PTPRG: variants seen among roughly 807,000 people sequenced by gnomAD.
PTPRG encodes the protein protein tyrosine phosphatase receptor type G.
A neutral mutation model predicts 165.3 loss-of-function variants in PTPRG; 102 were observed. The ratio of observed to expected loss-of-function variants is 0.62; its 90% CI spans 0.53 to 0.73. The LOEUF is 0.73. Among genes scored for constraint, PTPRG ranks in the 30% least tolerant of loss-of-function variants. The pLI is 0.00. For missense variants in PTPRG, 1,866 were observed against 1,861.4 expected (o/e 1.00, Z -0.05); for synonymous variants, 675 against 669.5 (o/e 1.01, Z -0.13).
chr3:62,065,444 GTGAATACA>G lies in PTPRG; in HGVS notation c.520-12716_520-12709del, dbSNP rs1700980335. ...CTGTTGAAGTGATGGACACTGTTCA[GTGAATACA>G]TGTACCACCTTTGGCAGTCTTTCAG... On this transcript the variant is annotated intron_variant, in intron 4 of 29. Transcript: ENST00000474889. Among the ~76,000 whole-genome samples, 2 of 152,206 alleles carry G rather than the reference GTGAATACA, an allele frequency of 1.3e-5. 1 individual carries two copies. Among genetic ancestry groups the G allele is most frequent in the South Asian group, 4.1e-4 (2 of 4,834 alleles).
intron 5 of PTPRG, among the ~76,000 whole-genome samples, chr3:62,108,435 G>A (rs1015939982): frequency 4.6e-5 from 7 of 152,046 alleles, no homozygotes; most frequent in East Asian, 1.9e-4. Context: ...TTCTAAATCC[G>A]TTCTATCATT....
At chr3:61,805,614 G>A (rs2035390677) in intron 2 of PTPRG, among the ~76,000 whole-genome samples, 1 of 151,978 alleles carries the variant, frequency 6.6e-6, no homozygotes, top group South Asian at 2.1e-4. Flanking sequence ...CTGTTTTCTG[G>A]GTTAGGGTAA....
intron 1 of PTPRG, among the ~76,000 whole-genome samples, chr3:61,709,637 G>C (rs1033671328): frequency 2.0e-5 from 3 of 152,102 alleles, no homozygotes; most frequent in African/African-American, 7.2e-5. Flanking sequence ...ATTTTAAATG[G>C]TTCCATAAAT....
intron 5 of PTPRG, among the ~76,000 whole-genome samples, chr3:62,088,385 T>A (rs1316870334): frequency 6.6e-6 from 1 of 152,206 alleles, no homozygotes; most frequent in East Asian, 1.9e-4. Flanking sequence ...TTAGGGCTAT[T>A]TGGGTTATTT....
At chr3:62,061,053 A>C (rs1700793224) in intron 4 of PTPRG, among the ~76,000 whole-genome samples, 1 of 152,036 alleles carries the variant, frequency 6.6e-6, no homozygotes, top group Non-Finnish European at 1.5e-5. Context: ...TGCTTCTTGA[A>C]CTCCCTGAAT....
chr3:61,931,135 G>C, intron 2 of PTPRG, among the ~76,000 whole-genome samples: 1 of 152,120 alleles, frequency 6.6e-6, no homozygotes, highest in South Asian at 2.1e-4. Flanking sequence ...TCCCCAACCT[G>C]ATCTTCTCTG....
At chr3:62,171,492 C>T (rs561174135) in intron 8 of PTPRG, among the ~76,000 whole-genome samples, 8 of 152,168 alleles carry the variant, frequency 5.3e-5, no homozygotes, top group East Asian at 1.9e-4. Context: ...TTTATACTTG[C>T]GCAGCCATCA....
At chr3:61,895,978 C>T (rs2038345543) in intron 2 of PTPRG, among the ~76,000 whole-genome samples, 1 of 152,132 alleles carries the variant, frequency 6.6e-6, no homozygotes, top group Non-Finnish European at 1.5e-5. Context: ...TCTGGTAAAA[C>T]TATGGTATAT....
chr3:62,028,812 T>C (rs1699665429), intron 4 of PTPRG, among the ~76,000 whole-genome samples: 1 of 152,230 alleles, frequency 6.6e-6, no homozygotes, highest in Non-Finnish European at 1.5e-5. Flanking sequence ...CTTTTGTTTG[T>C]GTCTTGGACA....
chr3:61,621,051 A>ATATATATATATATATATATATATGTG, intron 1 of PTPRG, among the ~76,000 whole-genome samples: 1 of 117,948 alleles, frequency 8.5e-6, no homozygotes, highest in African/African-American at 3.0e-5. Flanking sequence ...ATATATATAT[A>ATATATATATATATATATATATATGTG]TGTGTGTGTG....
chr3:62,123,956 A>G (rs1375087726), intron 5 of PTPRG, among the ~76,000 whole-genome samples: 1 of 152,186 alleles, frequency 6.6e-6, no homozygotes, highest in African/African-American at 2.4e-5. Flanking sequence ...TATGAAAAAA[A>G]CCTTCCAACT....
chr3:61,799,281 A>C (rs2107162453), intron 2 of PTPRG, among the ~76,000 whole-genome samples: 1 of 152,012 alleles, frequency 6.6e-6, no homozygotes, highest in Non-Finnish European at 1.5e-5. Flanking sequence ...ATACATTTTG[A>C]TTAAAGTTCA....
At chr3:61,850,186 C>T (rs1267268105) in intron 2 of PTPRG, among the ~76,000 whole-genome samples, 3 of 151,598 alleles carry the variant, frequency 2.0e-5, no homozygotes, top group Non-Finnish European at 4.4e-5. Flanking sequence ...TTTTTGAAAC[C>T]GAGTCTTGCT....
At chr3:62,209,417 A>T (rs1700305873) in intron 12 of PTPRG, among the ~76,000 whole-genome samples, 2 of 152,230 alleles carry the variant, frequency 1.3e-5, no homozygotes, top group Admixed American at 6.5e-5. Flanking sequence ...GAGGACAAAT[A>T]GAGTAGTAAT....
At chr3:62,179,008 A>T (rs1705546347) in intron 8 of PTPRG, among the ~76,000 whole-genome samples, 1 of 152,188 alleles carries the variant, frequency 6.6e-6, no homozygotes. Context: ...TGTGCCTCTC[A>T]TTGGAGCCAT....
At chr3:62,262,738 T>C in intron 16 of PTPRG, 60 bp from the exon 17 acceptor site, 1 of 1,295,776 alleles carries the variant, frequency 7.7e-7, no homozygotes, top group Non-Finnish European at 1.1e-6. Flanking sequence ...TGCCTTTAAA[T>C]GTATATGGTG....
At chr3:62,033,750 G>A (rs545664765) in intron 4 of PTPRG, among the ~76,000 whole-genome samples, 1 of 152,162 alleles carries the variant, frequency 6.6e-6, no homozygotes, top group South Asian at 2.1e-4. Flanking sequence ...GAGGTTTCCA[G>A]CAACCCTCAT....
intron 2 of PTPRG, among the ~76,000 whole-genome samples, chr3:61,808,252 C>T (rs557214712): frequency 2.8e-4 from 43 of 152,222 alleles, no homozygotes; most frequent in African/African-American, 8.9e-4. Flanking sequence ...GAAAACCCTC[C>T]GATTTTTTGT....
intron 13 of PTPRG, 60 bp from the exon 14 acceptor site, chr3:62,231,165 G>C (rs1227425256): frequency 7.7e-7 from 1 of 1,298,858 alleles, no homozygotes; most frequent in East Asian, 2.7e-5. Flanking sequence ...TGCAACTCTT[G>C]GTGGCCAATT....
Sources: allele counts gnomAD v4.1 joint callset (sites outside exome capture counted in the v4.1 genomes callset), GRCh38; gene constraint gnomAD v4.1.1; transcripts MANE v1.5; gene names NCBI Gene and HGNC (gene_info 2026-07-23, HGNC 2026-07-21).